RBMS3: variants seen among roughly 807,000 people sequenced by gnomAD.
RBMS3 encodes RNA-binding motif, single-stranded-interacting protein 3.
A neutral mutation model predicts 66.8 loss-of-function variants in RBMS3; 27 were observed. The ratio of observed to expected loss-of-function variants is 0.40; its 90% CI spans 0.30 to 0.56. The LOEUF is 0.56. Ranked by LOEUF, RBMS3 falls within the 20% of genes least tolerant of loss-of-function variation. The pLI, the probability that RBMS3 is intolerant of heterozygous loss-of-function variation, is 0.40. For synonymous variants in RBMS3, 188 were observed against 183.0 expected, an observed-to-expected ratio of 1.03 and a Z score of -0.22; for missense variants, 513 against 549.5, an observed-to-expected ratio of 0.93 and a Z score of 0.66.
At chr3:29,415,564 TA>T (rs1339501438) in intron 1 of RBMS3, among the ~76,000 whole-genome samples, 1 of 152,082 alleles carries the variant, frequency 6.6e-6, no homozygotes, top group African/African-American at 2.4e-5. Flanking sequence ...TGGGGGAAGA[TA>T]AAGCTTAAGG....
chr3:29,695,489 TTTAA>T (rs2052227074), intron 4 of RBMS3, among the ~76,000 whole-genome samples: 1 of 152,138 alleles, frequency 6.6e-6, no homozygotes, highest in South Asian at 2.1e-4. Context: ...AGATCCTACT[TTTAA>T]TTATTATTTT....
At chr3:29,996,173 G>T (rs1055852507) in intron 14 of RBMS3, among the ~76,000 whole-genome samples, 1 of 149,200 alleles carries the variant, frequency 6.7e-6, no homozygotes, top group Non-Finnish European at 1.5e-5. Context: ...GACAAAGAAG[G>T]CCATTACATA....
chr3:29,439,420 G>A (rs2125734833), intron 2 of RBMS3, among the ~76,000 whole-genome samples: 1 of 152,218 alleles, frequency 6.6e-6, no homozygotes, highest in Middle Eastern at 3.4e-3. Flanking sequence ...GAGGGTGTGA[G>A]AAGTAATATT....
At chr3:29,812,039 T>G (rs941195908) in intron 6 of RBMS3, among the ~76,000 whole-genome samples, 1 of 152,146 alleles carries the variant, frequency 6.6e-6, no homozygotes, top group African/African-American at 2.4e-5. Context: ...TATATTATGA[T>G]AGAAATAGAC....
chr3:29,313,933 A>G (rs777736124), intron 1 of RBMS3, among the ~76,000 whole-genome samples: 16 of 151,654 alleles, frequency 1.1e-4, no homozygotes, highest in Non-Finnish European at 1.5e-4. Flanking sequence ...GTCAGCACAA[A>G]TTAGATGGAT....
At chr3:29,949,657 T>G (rs918358939) in intron 12 of RBMS3, among the ~76,000 whole-genome samples, 1 of 151,744 alleles carries the variant, frequency 6.6e-6, no homozygotes, top group Non-Finnish European at 1.5e-5. Flanking sequence ...AGATGGAGGT[T>G]GAGAAAAACA....
chr3:29,739,701 G>A lies in RBMS3; in HGVS notation c.400-19G>A, dbSNP rs754628617. 1.2e-5 allele frequency: 19 copies of A among 1,562,510 alleles called. No individual in the cohort carries two copies. Among genetic ancestry groups the A allele is most frequent in the Non-Finnish European group, 1.6e-5 (19 of 1,156,520 alleles). ...TCAATACTCAGAACTTACCATATTT[G>A]TTACTTTCCTTCCCTTAGCAACAAG... On this transcript the variant is annotated intron_variant, in intron 4 of 14. Coordinates refer to ENST00000383767, the MANE Select transcript of RBMS3 (RefSeq NM_001003793.3).
chr3:29,784,559 C>T (rs1260582566), intron 6 of RBMS3, among the ~76,000 whole-genome samples: 2 of 152,022 alleles, frequency 1.3e-5, no homozygotes, highest in African/African-American at 4.8e-5. Flanking sequence ...AAGTTCATAG[C>T]ATTAAATGCC....
intron 4 of RBMS3, among the ~76,000 whole-genome samples, chr3:29,731,838 T>C (rs985381438): frequency 5.3e-5 from 8 of 152,030 alleles, no homozygotes; most frequent in Non-Finnish European, 1.2e-4. Context: ...ACTCTGTCAC[T>C]CTGTCTCCCT....
At chr3:29,338,416 T>C (rs2036079067) in intron 1 of RBMS3, among the ~76,000 whole-genome samples, 1 of 152,166 alleles carries the variant, frequency 6.6e-6, no homozygotes, top group South Asian at 2.1e-4. Context: ...AACTACAGAA[T>C]AGAATCTCTC....
At chr3:29,653,042 G>A (rs2050198837) in intron 4 of RBMS3, among the ~76,000 whole-genome samples, 1 of 152,102 alleles carries the variant, frequency 6.6e-6, no homozygotes, top group South Asian at 2.1e-4. Context: ...ATTAACTGGA[G>A]ATATTGATGG....
chr3:29,730,753 T>C (rs1423636032), intron 4 of RBMS3: 1 of 539,090 alleles, frequency 1.9e-6, no homozygotes, highest in African/African-American at 2.1e-5. Flanking sequence ...CTCTATAGTT[T>C]TGTTTCCTGT....
chr3:29,601,483 T>C (rs1299894217), intron 4 of RBMS3, among the ~76,000 whole-genome samples: 2 of 152,152 alleles, frequency 1.3e-5, no homozygotes, highest in East Asian at 3.9e-4. Flanking sequence ...GACAGACTTT[T>C]GGGCTGGAAG....
At chr3:29,556,215 T>G (rs955539687) in intron 3 of RBMS3, 1 of 152,174 alleles carries the variant, frequency 6.6e-6, no homozygotes. Flanking sequence ...TAATGTAACT[T>G]TATTTGATAG....
intron 1 of RBMS3, among the ~76,000 whole-genome samples, chr3:29,393,088 A>G (rs1559543987): frequency 6.6e-6 from 1 of 152,188 alleles, no homozygotes; most frequent in Non-Finnish European, 1.5e-5. Flanking sequence ...ACTACACTGC[A>G]AAGTACCTTA....
chr3:29,309,247 G>GA (rs2034222163), intron 1 of RBMS3, among the ~76,000 whole-genome samples: 1 of 151,834 alleles, frequency 6.6e-6, no homozygotes, highest in African/African-American at 2.4e-5. Flanking sequence ...AGAAAGAACA[G>GA]GTTTTTGGAG....
chr3:29,863,957 A>G (rs989411698), intron 6 of RBMS3, among the ~76,000 whole-genome samples: 8 of 152,316 alleles, frequency 5.3e-5, no homozygotes, highest in African/African-American at 1.7e-4. Context: ...ATGTTTAAAT[A>G]AGGGAATTGG....
At chr3:29,662,816 T>C (rs1225989612) in intron 4 of RBMS3, among the ~76,000 whole-genome samples, 3 of 152,244 alleles carry the variant, frequency 2.0e-5, no homozygotes, top group Admixed American at 1.3e-4. Flanking sequence ...GATTTGGTAA[T>C]ACAAAGCTTG....
At chr3:29,621,372 T>A (rs1228689447) in intron 4 of RBMS3, among the ~76,000 whole-genome samples, 2 of 152,092 alleles carry the variant, frequency 1.3e-5, no homozygotes, top group African/African-American at 4.8e-5. Context: ...CTTTCGAAAA[T>A]TGAAACAGTC....
Sources: gnomAD v4.1 joint callset for allele counts (sites outside exome capture counted in the v4.1 genomes callset) on GRCh38, gnomAD v4.1.1 for gene constraint, MANE v1.5 for transcripts, NCBI Gene and HGNC (gene_info 2026-07-23, HGNC 2026-07-21) for gene names.